The following ATP2B1 variants were observed in gnomAD, a reference collection of about 807,000 sequenced individuals.
ATP2B1 encodes ATPase plasma membrane Ca2+ transporting 1.
In ATP2B1, 14 loss-of-function variants were observed where a neutral mutation model predicts 124.2. The ratio of observed to expected loss-of-function variants is 0.11; its 90% CI spans 0.07 to 0.18. The LOEUF (loss-of-function observed/expected upper bound fraction) is 0.18, where lower values mean the gene tolerates loss of function less well. Ranked by LOEUF, ATP2B1 falls within the 10% of genes least tolerant of loss-of-function variation. The pLI, the probability that ATP2B1 is intolerant of heterozygous loss-of-function variation, is 1.00. For missense variants in ATP2B1, 763 were observed against 1,466.1 expected (o/e 0.52, Z 7.83); for synonymous variants, 449 against 492.4 (o/e 0.91, Z 1.17).
intron 1 of ATP2B1, among the ~76,000 whole-genome samples, chr12:89,683,636 C>T (rs1889624170): frequency 6.6e-6 from 1 of 152,074 alleles, no homozygotes; most frequent in Admixed American, 6.6e-5. Context: ...CATGAAAGTT[C>T]CAGACAGTGT....
intron 1 of ATP2B1, among the ~76,000 whole-genome samples, chr12:89,697,919 A>C (rs1891365134): frequency 6.6e-6 from 1 of 152,164 alleles, no homozygotes; most frequent in African/African-American, 2.4e-5. Flanking sequence ...TCTGTTGTCC[A>C]GGCTGGAGTG....
intron 1 of ATP2B1, among the ~76,000 whole-genome samples, chr12:89,659,380 A>G (rs983203846): frequency 1.6e-4 from 24 of 151,876 alleles, no homozygotes; most frequent in Non-Finnish European, 2.8e-4. Flanking sequence ...ACACACACAC[A>G]CACGCACAAG....
At chr12:89,671,608 G>A (rs1887994728) in intron 1 of ATP2B1, among the ~76,000 whole-genome samples, 1 of 152,108 alleles carries the variant, frequency 6.6e-6, no homozygotes, top group African/African-American at 2.4e-5. Flanking sequence ...CGGTCTTTGA[G>A]AAGTTAAGAA....
intron 12 of ATP2B1, among the ~76,000 whole-genome samples, chr12:89,614,167 T>C (rs746700766): frequency 2.6e-5 from 4 of 152,102 alleles, no homozygotes; most frequent in African/African-American, 9.7e-5. Context: ...AGTCAATGTA[T>C]AGAACTTTGA....
intron 3 of ATP2B1, chr12:89,641,838 T>C (rs1883561378): frequency 4.7e-6 from 1 of 213,788 alleles, no homozygotes; most frequent in African/African-American, 2.3e-5. Context: ...TGTTTCACAG[T>C]ATAGTGTTCT....
At chr12:89,642,627 C>T (rs976336500) in intron 2 of ATP2B1, among the ~76,000 whole-genome samples, 3 of 151,994 alleles carry the variant, frequency 2.0e-5, no homozygotes, top group Non-Finnish European at 2.9e-5. Flanking sequence ...TTTTTTGAGA[C>T]AGAGTCTTGC....
intron 1 of ATP2B1, among the ~76,000 whole-genome samples, chr12:89,672,053 A>G (rs776985050): frequency 3.3e-5 from 5 of 152,194 alleles, no homozygotes; most frequent in African/African-American, 4.8e-5. Flanking sequence ...TCTAGAGTAG[A>G]AAGAAGCAAC....
chr12:89,629,621 G>A (rs898313833), intron 6 of ATP2B1, among the ~76,000 whole-genome samples: 1 of 152,226 alleles, frequency 6.6e-6, no homozygotes, highest in African/African-American at 2.4e-5. Context: ...AAACACTGCT[G>A]TAGTTATAGC....
intron 1 of ATP2B1, among the ~76,000 whole-genome samples, chr12:89,682,986 A>G (rs1038652479): frequency 2.0e-5 from 3 of 152,218 alleles, no homozygotes; most frequent in African/African-American, 7.2e-5. Context: ...GTTGAGGGAA[A>G]AAAGAATCAA....
rs1885909675 is a variant in ATP2B1, at chr12:89,655,982, CT to C, written c.-97del. ...ATGAAAATCTTTTAAGTATGAAAAT[CT>C]TTCTTAAACCAAACACTCATTGTAT... is the stretch of plus-strand genomic sequence containing the variant. On this transcript the variant is annotated 5_prime_UTR_variant, in exon 2 of 21. It removes the in-frame stop codon of an upstream open reading frame in the 5' UTR. Transcript: ENST00000428670. The C allele has an allele frequency of 1.6e-6, 2 of 1,278,692 alleles. No individual in the cohort carries two copies. The highest frequency in any genetic ancestry group is 2.1e-6 in the Non-Finnish European group (2 of 939,754). 79.2% of individuals were successfully genotyped at this position (1,278,692 alleles called of 1,614,324 possible). A position where few individuals can be genotyped will look rare whatever the true frequency, so the allele number is the denominator to read the frequency against.
At chr12:89,704,794 T>A (rs1892262190) in intron 1 of ATP2B1, among the ~76,000 whole-genome samples, 1 of 152,170 alleles carries the variant, frequency 6.6e-6, no homozygotes, top group African/African-American at 2.4e-5. Flanking sequence ...TTTGGGCACC[T>A]GCTGTAAAAT....
intron 1 of ATP2B1, among the ~76,000 whole-genome samples, chr12:89,661,833 C>T (rs573918490): frequency 6.6e-6 from 1 of 152,250 alleles, no homozygotes; most frequent in African/African-American, 2.4e-5. Context: ...GAGAGCTAGC[C>T]TACATAGCTG....
chr12:89,596,282 A>G (rs971608617), intron 20 of ATP2B1, among the ~76,000 whole-genome samples: 1 of 152,152 alleles, frequency 6.6e-6, no homozygotes, highest in Non-Finnish European at 1.5e-5. Context: ...GAAGCTAATC[A>G]GTAGCAATCA....
chr12:89,603,363 C>T lies in ATP2B1; in HGVS notation c.2849-109G>A, dbSNP rs1876242224. The T allele has an allele frequency of 5.3e-6, 5 of 936,228 alleles. No individual in the cohort carries two copies. Among genetic ancestry groups the T allele is most frequent in the Non-Finnish European group, 7.8e-6 (5 of 643,674 alleles). 58.0% of individuals were successfully genotyped at this position (936,228 alleles called of 1,614,324 possible). A position where few individuals can be genotyped will look rare whatever the true frequency, so the allele number is the denominator to read the frequency against. ...CCTTTTATTTGATCTGAAATGGCAGCATGGAAGGAGCTAGAGAAACCTGGG... is the reference window on the plus strand; with the variant it reads ...CCTTTTATTTGATCTGAAATGGCAGTATGGAAGGAGCTAGAGAAACCTGGG... On this transcript the variant is annotated intron_variant, in intron 17 of 20. Coordinates refer to ENST00000428670, the MANE Select transcript of ATP2B1 (RefSeq NM_001366521.1). The surrounding 1 kb of genome is among the most constrained non-coding windows in gnomAD (Gnocchi z 4.3).
At chr12:89,706,809 G>C (rs570515618) in intron 1 of ATP2B1, among the ~76,000 whole-genome samples, 2 of 152,234 alleles carry the variant, frequency 1.3e-5, no homozygotes, top group East Asian at 3.9e-4. Context: ...ACCCGAATGT[G>C]ACTCACTTTT....
intron 8 of ATP2B1, 67 bp from the exon 9 acceptor site, chr12:89,624,464 TA>T: frequency 7.9e-7 from 1 of 1,272,318 alleles, no homozygotes; most frequent in Non-Finnish European, 1.1e-6. Context: ...TTGCCAGATA[TA>T]AATTAAACAC....
intron 1 of ATP2B1, among the ~76,000 whole-genome samples, chr12:89,667,983 C>T (rs1308423336): frequency 6.6e-6 from 1 of 152,112 alleles, no homozygotes; most frequent in Non-Finnish European, 1.5e-5. Context: ...ACAATGAACA[C>T]AAAGTGTTAG....
intron 9 of ATP2B1, among the ~76,000 whole-genome samples, chr12:89,622,210 G>A (rs1233212578): frequency 6.6e-6 from 1 of 151,978 alleles, no homozygotes. Context: ...TCCTTATTAA[G>A]TGGAAAACAA....
At chr12:89,697,127 A>C (rs1891235366) in intron 1 of ATP2B1, among the ~76,000 whole-genome samples, 1 of 152,054 alleles carries the variant, frequency 6.6e-6, no homozygotes. Flanking sequence ...AGGAAGACAG[A>C]AATTTAATGA....
Sources: allele counts gnomAD v4.1 joint callset (sites outside exome capture counted in the v4.1 genomes callset), GRCh38; gene constraint gnomAD v4.1.1; non-coding constraint Gnocchi (gnomAD v3.1); transcripts MANE v1.5; gene names NCBI Gene and HGNC (gene_info 2026-07-23, HGNC 2026-07-21).